The following DYNC1I1 variants were observed in gnomAD, a reference collection of about 807,000 sequenced individuals.
DYNC1I1 encodes the protein cytoplasmic dynein 1 intermediate chain 1.
Under a neutral mutation model 86.6 loss-of-function variants are expected in DYNC1I1, and 43 were observed. The observed-to-expected ratio is 0.50, with a 90% CI of 0.39 to 0.64. The LOEUF (loss-of-function observed/expected upper bound fraction) is 0.64. Ranked by LOEUF, DYNC1I1 falls within the 30% of genes least tolerant of loss-of-function variation. DYNC1I1 has a pLI of 0.00. For missense variants in DYNC1I1, 604 were observed against 788.8 expected (o/e 0.77, Z 2.81); for synonymous variants, 262 against 283.7 (o/e 0.92, Z 0.77).
chr7:96,072,112 T>C (rs917596800), intron 14 of DYNC1I1, among the ~76,000 whole-genome samples: 8 of 152,190 alleles, frequency 5.3e-5, no homozygotes, highest in Non-Finnish European at 7.3e-5. Context: ...AATTAGACAA[T>C]GTACATATAG....
At chr7:95,786,762 C>T (rs944445680) in intron 1 of DYNC1I1, among the ~76,000 whole-genome samples, 2 of 152,124 alleles carry the variant, frequency 1.3e-5, no homozygotes, top group Admixed American at 1.3e-4. Context: ...TAAATTATCC[C>T]ATCCTCCTTC....
intron 6 of DYNC1I1, among the ~76,000 whole-genome samples, chr7:95,944,209 G>A (rs893856374): frequency 1.3e-5 from 2 of 152,168 alleles, no homozygotes; most frequent in African/African-American, 2.4e-5. Context: ...CAAAAAGTGG[G>A]CAAAGGATAT....
At chr7:95,829,742 G>A (rs1346386768) in intron 5 of DYNC1I1, among the ~76,000 whole-genome samples, 2 of 152,100 alleles carry the variant, frequency 1.3e-5, no homozygotes, top group East Asian at 1.9e-4. Flanking sequence ...CATATCTGTG[G>A]ACCCACCTTA....
chr7:95,781,824 T>C (rs759678735), intron 1 of DYNC1I1, among the ~76,000 whole-genome samples: 2 of 152,188 alleles, frequency 1.3e-5, no homozygotes, highest in East Asian at 1.9e-4. Context: ...GGGCATTCCA[T>C]AGCACTTTAA....
chr7:95,964,953 T>C (rs986013565), intron 6 of DYNC1I1, among the ~76,000 whole-genome samples: 1 of 152,140 alleles, frequency 6.6e-6, no homozygotes, highest in African/African-American at 2.4e-5. Context: ...AGAAGTTAGC[T>C]TGATTGAAGT....
At chr7:96,063,328 T>A (rs1370081681) in intron 14 of DYNC1I1, among the ~76,000 whole-genome samples, 1 of 152,072 alleles carries the variant, frequency 6.6e-6, no homozygotes, top group Non-Finnish European at 1.5e-5. Context: ...TGTGGGGAAC[T>A]GTGCGCATGT....
rs754748364 is a variant in DYNC1I1 at position 95,869,925 on chromosome 7, G to T, written c.417G>T (p.Val139=). ...TGGGCGTGTCAAAGGTCACCCAAGTGGATTTCCTGCCAAGGGAAGTAGTGT... is the reference window on the plus strand; with the variant it reads ...TGGGCGTGTCAAAGGTCACCCAAGTTGATTTCCTGCCAAGGGAAGTAGTGT... ...HKLGVSKVTQ[V]DFLPREVVSY... The change falls in exon 6 of 17, where the codon GTG becomes GTT. Residue 139 remains valine, a synonymous_variant. Transcript: ENST00000447467. The T allele has an allele frequency of 2.5e-6, 4 of 1,614,082 alleles. No individual in the cohort carries two copies. In the South Asian group the frequency reaches 4.4e-5, roughly 18 times the overall value.
chr7:95,911,029 G>T (rs774255029), intron 6 of DYNC1I1, among the ~76,000 whole-genome samples: 9 of 152,116 alleles, frequency 5.9e-5, no homozygotes, highest in Non-Finnish European at 1.2e-4. Flanking sequence ...TGCTTTGAGG[G>T]TGTCACATTT....
In DYNC1I1 at chr7:96,098,135, G is replaced by C. The variant is rs1791071154; in HGVS notation, c.*542G>C. ...TTTATTTGAAAGCATTAAAATAAAT[G>C]ATCCTAGAGCATGTGCATAATGAGA... On this transcript the variant is annotated 3_prime_UTR_variant, in exon 17 of 17. Coordinates refer to ENST00000447467, the MANE Select transcript of DYNC1I1 (RefSeq NM_001135556.2). The C allele has an allele frequency of 1.0e-6, 1 of 986,064 alleles. No individual in the cohort carries two copies. Among genetic ancestry groups the C allele is most frequent in the South Asian group, 4.7e-5 (1 of 21,308 alleles). The allele number at this position is 986,064 out of a possible 1,614,324, so 61.1% of individuals were successfully genotyped here. A position where few individuals can be genotyped will look rare whatever the true frequency, so the allele number is the denominator to read the frequency against.
chr7:95,782,903 G>A (rs1049325880), intron 1 of DYNC1I1, among the ~76,000 whole-genome samples: 3 of 152,138 alleles, frequency 2.0e-5, no homozygotes, highest in Non-Finnish European at 2.9e-5. Context: ...AACTCCTCTC[G>A]ATGTTCAGAT....
chr7:95,865,616 A>C (rs115847076), intron 5 of DYNC1I1, among the ~76,000 whole-genome samples: 3,054 of 152,270 alleles, frequency 0.02, 106 homozygotes, highest in African/African-American at 0.069. Context: ...TCAATGACGC[A>C]CTGTGTATTA....
intron 6 of DYNC1I1, among the ~76,000 whole-genome samples, chr7:95,951,422 A>C (rs1426310401): frequency 6.6e-6 from 1 of 152,036 alleles, no homozygotes; most frequent in Non-Finnish European, 1.5e-5. Context: ...CTCAGGACTA[A>C]TTTGGGGTAG....
intron 1 of DYNC1I1, among the ~76,000 whole-genome samples, chr7:95,791,426 T>C (rs569361201): frequency 3.3e-4 from 50 of 152,340 alleles, no homozygotes; most frequent in Non-Finnish European, 6.3e-4. Context: ...ATCTAAAGAT[T>C]TGCTTGTTAT....
intron 6 of DYNC1I1, among the ~76,000 whole-genome samples, chr7:95,884,543 G>A (rs1039414315): frequency 3.9e-5 from 6 of 152,068 alleles, no homozygotes; most frequent in Non-Finnish European, 8.8e-5. Context: ...TTGAAATAAA[G>A]GAAGGTCATG....
chr7:95,784,304 A>G (rs1794071506), intron 1 of DYNC1I1, among the ~76,000 whole-genome samples: 1 of 152,214 alleles, frequency 6.6e-6, no homozygotes, highest in Non-Finnish European at 1.5e-5. Flanking sequence ...TTAATGTGGT[A>G]TAAATGAATT....
chr7:95,812,589 A>G (rs1224326395), intron 3 of DYNC1I1, among the ~76,000 whole-genome samples: 1 of 152,188 alleles, frequency 6.6e-6, no homozygotes, highest in Non-Finnish European at 1.5e-5. Context: ...TAAACAGTAC[A>G]ATGGGATGCA....
chr7:95,815,857 A>C (rs2115857649), intron 4 of DYNC1I1, among the ~76,000 whole-genome samples: 1 of 152,312 alleles, frequency 6.6e-6, no homozygotes, highest in African/African-American at 2.4e-5. Flanking sequence ...CATTTGCCAA[A>C]ATTTCAAACC....
chr7:95,866,717 A>C (rs1180297810), intron 5 of DYNC1I1, among the ~76,000 whole-genome samples: 2 of 152,252 alleles, frequency 1.3e-5, no homozygotes, highest in Non-Finnish European at 2.9e-5. Context: ...GATCATATGG[A>C]AAGATACAGT....
intron 6 of DYNC1I1, among the ~76,000 whole-genome samples, chr7:95,964,117 T>C (rs1257719351): frequency 2.6e-5 from 4 of 152,194 alleles, no homozygotes; most frequent in Admixed American, 2.0e-4. Flanking sequence ...GTGCTAATGA[T>C]CTTCCTTGAG....
Sources: allele counts gnomAD v4.1 joint callset (sites outside exome capture counted in the v4.1 genomes callset), GRCh38; gene constraint gnomAD v4.1.1; transcripts MANE v1.5; gene names NCBI Gene and HGNC (gene_info 2026-07-23, HGNC 2026-07-21).